The following SLC5A10 variants were observed in gnomAD, a reference collection of about 807,000 sequenced individuals.
The protein encoded by SLC5A10 is solute carrier family 5 member 10.
SLC5A10 carries 55 observed loss-of-function variants against 68.9 expected under a neutral mutation model. The ratio of observed to expected loss-of-function variants is 0.80; its 90% CI spans 0.64 to 1.00. The LOEUF is 1.00. Among genes scored for constraint, SLC5A10 ranks in the 50% least tolerant of loss-of-function variants. The pLI is 0.00. For synonymous variants in SLC5A10, 344 were observed against 344.8 expected (o/e 1.00, Z 0.02); for missense variants, 732 against 819.3 (o/e 0.89, Z 1.30).
chr17:19,012,660 G>A (rs576590911), intron 9 of SLC5A10, among the ~76,000 whole-genome samples: 6 of 152,102 alleles, frequency 3.9e-5, no homozygotes, highest in Middle Eastern at 3.4e-3. Flanking sequence ...GGAGCGAGGA[G>A]GGACTTGTGG....
chr17:18,998,659 C>T (rs572873734), intron 9 of SLC5A10, among the ~76,000 whole-genome samples: 6 of 152,210 alleles, frequency 3.9e-5, no homozygotes, highest in South Asian at 4.1e-4. Context: ...GGGCTGCTCC[C>T]GGCTCTCCTC....
chr17:18,993,784 C>T (rs753653353), intron 9 of SLC5A10, among the ~76,000 whole-genome samples: 3 of 152,220 alleles, frequency 2.0e-5, no homozygotes, highest in Non-Finnish European at 4.4e-5. Flanking sequence ...GCTCTGCACC[C>T]GCTGGCTCCG....
chr17:18,985,442 C>T (rs957989095), intron 9 of SLC5A10, among the ~76,000 whole-genome samples: 1 of 152,226 alleles, frequency 6.6e-6, no homozygotes, highest in Non-Finnish European at 1.5e-5. Context: ...CTGTACCCTG[C>T]CTGGGCCCAA....
intron 9 of SLC5A10, among the ~76,000 whole-genome samples, chr17:19,005,297 G>A (rs1042707400): frequency 2.6e-5 from 4 of 152,176 alleles, no homozygotes; most frequent in Non-Finnish European, 4.4e-5. Context: ...TCTGCGTGGC[G>A]GGCAGCACCC....
At chr17:18,979,266 C>T (rs913506302) in intron 9 of SLC5A10, 12 of 490,432 alleles carry the variant, frequency 2.4e-5, no homozygotes, top group East Asian at 2.2e-4. Context: ...TCCCTAAGGA[C>T]GGCTCTCAGA....
intron 11 of SLC5A10, among the ~76,000 whole-genome samples, chr17:19,016,378 C>G (rs948301193): frequency 7.2e-5 from 11 of 152,166 alleles, no homozygotes; most frequent in African/African-American, 2.7e-4. Flanking sequence ...CAGAGGTTAG[C>G]TCCCATGTGC....
chr17:18,959,051 G>A (rs1209494244), intron 2 of SLC5A10, 84 bp from the exon 3 acceptor site: 2 of 1,353,610 alleles, frequency 1.5e-6, no homozygotes, highest in African/African-American at 1.4e-5. Context: ...TTAGGTTTGT[G>A]AGGATGAGGG....
At chr17:18,973,188 C>T (rs528041247) in intron 8 of SLC5A10, among the ~76,000 whole-genome samples, 3 of 152,226 alleles carry the variant, frequency 2.0e-5, no homozygotes, top group Non-Finnish European at 2.9e-5. Flanking sequence ...CCTTTACACC[C>T]GCCACCTCCC....
intron 9 of SLC5A10, among the ~76,000 whole-genome samples, chr17:18,995,498 T>C (rs2043543065): frequency 6.6e-6 from 1 of 152,116 alleles, no homozygotes; most frequent in African/African-American, 2.4e-5. Flanking sequence ...CTTCAAGCCA[T>C]CCAATATATG....
intron 9 of SLC5A10, among the ~76,000 whole-genome samples, chr17:18,981,848 C>A (rs1346108092): frequency 6.6e-6 from 1 of 152,148 alleles, no homozygotes; most frequent in Non-Finnish European, 1.5e-5. Context: ...AATTAGCGCT[C>A]GTGACTTTGT....
At chr17:18,982,567 T>A (rs1283374353) in intron 9 of SLC5A10, among the ~76,000 whole-genome samples, 1 of 152,132 alleles carries the variant, frequency 6.6e-6, no homozygotes, top group Non-Finnish European at 1.5e-5. Flanking sequence ...AGAGAGGACG[T>A]CAAGGGCGAG....
chr17:18,991,881 C>T (rs1262484008), intron 9 of SLC5A10, among the ~76,000 whole-genome samples: 1 of 152,158 alleles, frequency 6.6e-6, no homozygotes, highest in Non-Finnish European at 1.5e-5. Context: ...ACCCAGGAGG[C>T]CCAATGCCCA....
Position 19,004,321 on chromosome 17 carries a change from T to C in SLC5A10, c.983-9089T>C. ...ATGAGGTGGGGGCACTGGACTGGGATGGGAAGAAAGTAAGGGATCGGAACA... is the reference window on the plus strand; with the variant it reads ...ATGAGGTGGGGGCACTGGACTGGGACGGGAAGAAAGTAAGGGATCGGAACA... On this transcript the variant is annotated intron_variant, in intron 9 of 14. Coordinates refer to ENST00000395645, the MANE Select transcript of SLC5A10 (RefSeq NM_001042450.4). This position sits in a 1 kb window ranked among gnomAD's most constrained non-coding sequence, Gnocchi z 5.4. 1 of 405,666 alleles carries C rather than the reference T, an allele frequency of 2.5e-6. No homozygotes were observed. The highest frequency in any genetic ancestry group is 4.4e-6 in the Non-Finnish European group (1 of 226,878). The allele number at this position is 405,666 out of a possible 1,614,324, so 25.1% of individuals were successfully genotyped here.
At chr17:19,012,619 C>G (rs1013884195) in intron 9 of SLC5A10, among the ~76,000 whole-genome samples, 1 of 152,194 alleles carries the variant, frequency 6.6e-6, no homozygotes, top group Non-Finnish European at 1.5e-5. Flanking sequence ...GGAGGCAGTC[C>G]TCAGGCGAGG....
intron 9 of SLC5A10, among the ~76,000 whole-genome samples, chr17:18,981,232 AT>A (rs1174234300): frequency 6.6e-6 from 1 of 152,086 alleles, no homozygotes; most frequent in Non-Finnish European, 1.5e-5. Context: ...AGAGGATGAC[AT>A]AGGTCACAGG....
At chr17:18,984,547 T>G (rs2043220062) in intron 9 of SLC5A10, among the ~76,000 whole-genome samples, 1 of 152,192 alleles carries the variant, frequency 6.6e-6, no homozygotes, top group Non-Finnish European at 1.5e-5. Flanking sequence ...CCATCCCAGC[T>G]GATGCTTCTT....
At chr17:18,981,423 G>C (rs902271277) in intron 9 of SLC5A10, among the ~76,000 whole-genome samples, 6 of 152,208 alleles carry the variant, frequency 3.9e-5, no homozygotes, top group Admixed American at 6.5e-5. Context: ...GGGCCAGTAG[G>C]GAGCCATGGG....
intron 13 of SLC5A10, 44 bp from the exon 14 acceptor site, chr17:19,020,111 T>TTCCCTCCCCCCCCCCCCA: frequency 1.1e-5 from 3 of 276,322 alleles, no homozygotes; most frequent in South Asian, 6.2e-5. Flanking sequence ...ACCCCCACCC[T>TTCCCTCCCCCCCCCCCCA]GCCATCCCCC....
In SLC5A10 at chr17:19,019,885, T is replaced by C; in HGVS notation, c.1583T>C (p.Val528Ala). Residue 528 changes from valine (V) to alanine (A), a missense_variant, in exon 13 of 15, where the codon GTG becomes GCG. Val to Ala is a moderately conservative substitution (Grantham distance 64). Coordinates refer to ENST00000395645, the MANE Select transcript of SLC5A10 (RefSeq NM_001042450.4). ...CTCTTTGCACTCAGTGGTGCTGTTG[T>C]GGTGGCTGGAAGCCTGCTGACCCCA... Reference protein sequence around the residue: ...VALFALSGAVVVAGSLLTPPP... With the variant: ...VALFALSGAVAVAGSLLTPPP... The C allele has an allele frequency of 6.2e-7, 1 of 1,612,134 alleles. No homozygotes were observed. The highest frequency in any genetic ancestry group is 8.5e-7 in the Non-Finnish European group (1 of 1,179,568).
Sources: allele counts gnomAD v4.1 joint callset (sites outside exome capture counted in the v4.1 genomes callset), GRCh38; gene constraint gnomAD v4.1.1; non-coding constraint Gnocchi (gnomAD v3.1); transcripts MANE v1.5; gene names NCBI Gene and HGNC (gene_info 2026-07-23, HGNC 2026-07-21).